The following AFG1L variants were observed in gnomAD, a reference collection of about 807,000 sequenced individuals.
AFG1L encodes AFG1 like ATPase.
AFG1L carries 53 observed loss-of-function variants against 62.2 expected under a neutral mutation model. That is an observed-to-expected ratio of 0.85 (90% CI 0.68 to 1.07). The LOEUF is 1.07. Ranked by LOEUF, AFG1L falls within the 50% of genes least tolerant of loss-of-function variation. The probability of loss-of-function intolerance (pLI) is 0.00; values close to 1 mark genes in which losing one functional copy is unlikely to be tolerated. For synonymous variants in AFG1L, 228 were observed against 210.3 expected, an observed-to-expected ratio of 1.08 and a Z score of -0.73; for missense variants, 555 against 590.5, an observed-to-expected ratio of 0.94 and a Z score of 0.62.
intron 8 of AFG1L, among the ~76,000 whole-genome samples, chr6:108,455,036 AT>A (rs1490100746): frequency 1.3e-5 from 2 of 152,212 alleles, no homozygotes; most frequent in Non-Finnish European, 2.9e-5. Flanking sequence ...TGTCTGGCTA[AT>A]TCCTCAGTCT....
At chr6:108,295,397 A>G (rs1384932610) in intron 1 of AFG1L, among the ~76,000 whole-genome samples, 179 bp downstream of exon 1, 1 of 152,200 alleles carries the variant, frequency 6.6e-6, no homozygotes, top group East Asian at 1.9e-4. Context: ...AGCCCTGAGC[A>G]CTGAGGGAAA....
intron 2 of AFG1L, among the ~76,000 whole-genome samples, chr6:108,336,477 A>T (rs1582395320): frequency 6.6e-6 from 1 of 152,204 alleles, no homozygotes; most frequent in African/African-American, 2.4e-5. Context: ...ATCACCTTGG[A>T]TCATTTTTTA....
chr6:108,424,961 A>T (rs1770748542), intron 7 of AFG1L, among the ~76,000 whole-genome samples: 1 of 152,116 alleles, frequency 6.6e-6, no homozygotes, highest in Non-Finnish European at 1.5e-5. Context: ...TGAAATGGAG[A>T]TTTCCTAAGA....
intron 8 of AFG1L, among the ~76,000 whole-genome samples, chr6:108,448,212 T>C (rs912742429): frequency 2.0e-4 from 30 of 152,228 alleles, no homozygotes; most frequent in African/African-American, 7.2e-4. Flanking sequence ...ATGATTATTA[T>C]AGGAGATTCT....
At chr6:108,506,401 G>A (rs952782239) in intron 10 of AFG1L, among the ~76,000 whole-genome samples, 31 of 152,248 alleles carry the variant, frequency 2.0e-4, no homozygotes, top group African/African-American at 7.5e-4. Flanking sequence ...TAGAGATGGG[G>A]TTTCACTATG....
At chr6:108,483,551 C>T (rs1411091763) in intron 10 of AFG1L, among the ~76,000 whole-genome samples, 4 of 152,166 alleles carry the variant, frequency 2.6e-5, no homozygotes, top group African/African-American at 4.8e-5. Context: ...CTGACTAGAC[C>T]TGAATTTTCC....
At chr6:108,452,710 G>C (rs920543676) in intron 8 of AFG1L, among the ~76,000 whole-genome samples, 2 of 152,158 alleles carry the variant, frequency 1.3e-5, no homozygotes, top group African/African-American at 2.4e-5. Context: ...TATTAGCCTT[G>C]GCACAGATAG....
At chr6:108,387,689 T>G (rs1780830417) in intron 6 of AFG1L, 1 of 152,220 alleles carries the variant, frequency 6.6e-6, no homozygotes, top group Non-Finnish European at 1.5e-5. Flanking sequence ...GATTACATGA[T>G]TTTTAAGTTT....
intron 6 of AFG1L, among the ~76,000 whole-genome samples, chr6:108,385,142 A>G (rs1360797722): frequency 6.6e-6 from 1 of 152,266 alleles, no homozygotes; most frequent in Non-Finnish European, 1.5e-5. Flanking sequence ...TAAGGTAAAG[A>G]GCAAATCTAG....
chr6:108,478,173 C>T (rs1291222036), intron 10 of AFG1L, among the ~76,000 whole-genome samples: 1 of 152,170 alleles, frequency 6.6e-6, no homozygotes, highest in Non-Finnish European at 1.5e-5. Context: ...TGCGGTGGCT[C>T]GCGCCTGTAA....
At chr6:108,436,788 T>C (rs1334396406) in intron 7 of AFG1L, among the ~76,000 whole-genome samples, 1 of 152,222 alleles carries the variant, frequency 6.6e-6, no homozygotes, top group African/African-American at 2.4e-5. Context: ...AGTTTCTTCA[T>C]CCATTTGTAA....
rs1179975429 is a variant in AFG1L at position 108,523,592 on chromosome 6, C to G, written c.*1167C>G. On this transcript the variant is annotated 3_prime_UTR_variant, in exon 13 of 13. Transcript: ENST00000368977. ...GAGTCAGTCCAATGAATACAATGGT[C>G]AACATAAGTAAGCTCTTTGAACCTA... 6.6e-6 allele frequency: 1 copy of G among 152,110 alleles called. No individual in the cohort carries two copies. Among genetic ancestry groups the G allele is most frequent in the Non-Finnish European group, 1.5e-5 (1 of 68,026 alleles). 9.4% of individuals were successfully genotyped at this position (152,110 alleles called of 1,614,324 possible).
intron 7 of AFG1L, among the ~76,000 whole-genome samples, chr6:108,420,293 A>G (rs911927764): frequency 6.6e-6 from 1 of 151,872 alleles, no homozygotes; most frequent in African/African-American, 2.4e-5. Context: ...CACAAACTGT[A>G]TGTGGTAAAA....
intron 10 of AFG1L, among the ~76,000 whole-genome samples, chr6:108,508,696 C>T (rs946139121): frequency 3.9e-5 from 6 of 152,210 alleles, no homozygotes; most frequent in Non-Finnish European, 7.3e-5. Context: ...CATGCAAATT[C>T]TTCTTTCCTG....
At chr6:108,327,160 T>C (rs188205562) in intron 2 of AFG1L, among the ~76,000 whole-genome samples, 2 of 152,336 alleles carry the variant, frequency 1.3e-5, no homozygotes, top group East Asian at 3.9e-4. Context: ...GAGAGTATAA[T>C]TAATTTTATT....
intron 10 of AFG1L, among the ~76,000 whole-genome samples, chr6:108,478,424 G>A (rs1209069742): frequency 1.1e-4 from 17 of 152,224 alleles, no homozygotes; most frequent in Admixed American, 1.0e-3. Flanking sequence ...GTGACAGTGC[G>A]AGACTCCGTC....
chr6:108,368,015 A>T (rs1779830492), intron 6 of AFG1L, among the ~76,000 whole-genome samples: 1 of 152,152 alleles, frequency 6.6e-6, no homozygotes. Flanking sequence ...TAACAGACCC[A>T]GATCTTACTA....
intron 6 of AFG1L, among the ~76,000 whole-genome samples, chr6:108,368,416 C>A (rs965168361): frequency 6.6e-6 from 1 of 152,126 alleles, no homozygotes; most frequent in Non-Finnish European, 1.5e-5. Context: ...CTAATCAACA[C>A]CTTTTGGATC....
chr6:108,466,318 G>A (rs1772662869), intron 8 of AFG1L, among the ~76,000 whole-genome samples: 1 of 152,094 alleles, frequency 6.6e-6, no homozygotes, highest in Non-Finnish European at 1.5e-5. Flanking sequence ...ATGTATATAT[G>A]AGTTTACCAA....
Sources: allele counts gnomAD v4.1 joint callset (sites outside exome capture counted in the v4.1 genomes callset), GRCh38; gene constraint gnomAD v4.1.1; transcripts MANE v1.5; gene names NCBI Gene and HGNC (gene_info 2026-07-23, HGNC 2026-07-21).